PACRG: variants seen among roughly 807,000 people sequenced by gnomAD.
PACRG encodes parkin coregulated, also known as parkin coregulated gene protein.
Under a neutral mutation model 29.7 loss-of-function variants are expected in PACRG, and 29 were observed. That is an observed-to-expected ratio of 0.98 (90% CI 0.73 to 1.33). The LOEUF (loss-of-function observed/expected upper bound fraction) is 1.33, where lower values mean the gene tolerates loss of function less well. Among genes scored for constraint, PACRG ranks in the 40% most tolerant of loss-of-function variants. The pLI is 0.00. For synonymous variants in PACRG, 116 were observed against 118.7 expected, an observed-to-expected ratio of 0.98 and a Z score of 0.15; for missense variants, 279 against 316.2, an observed-to-expected ratio of 0.88 and a Z score of 0.89.
At chr6:162,995,868 T>G (rs1334837585) in intron 2 of PACRG, among the ~76,000 whole-genome samples, 2 of 152,230 alleles carry the variant, frequency 1.3e-5, no homozygotes, top group Admixed American at 6.5e-5. Flanking sequence ...TTCCATATCT[T>G]GGCTATTGTG....
rs566112776 is a variant in PACRG, at chr6:163,270,884, A to G, written c.614-43943A>G. On this transcript the variant is annotated intron_variant, in intron 4 of 4. Transcript: ENST00000366888. ...TAGCAAACTTCTGAATTGGTTGTAT[A>G]TTAATCAGGGTTCTCTAGAGGGACA... Among the ~76,000 whole-genome samples, 8 of 152,294 alleles carry G rather than the reference A, an allele frequency of 5.3e-5. No homozygotes were observed. In the South Asian group the frequency reaches 1.5e-3, roughly 28 times the overall value.
At chr6:162,794,811 A>C (rs567958165) in intron 1 of PACRG, among the ~76,000 whole-genome samples, 2 of 152,340 alleles carry the variant, frequency 1.3e-5, no homozygotes, top group South Asian at 4.1e-4. Flanking sequence ...AAGGAACAAA[A>C]CAAACAATGA....
chr6:163,136,460 A>G (rs1412706151), intron 4 of PACRG, among the ~76,000 whole-genome samples: 1 of 152,248 alleles, frequency 6.6e-6, no homozygotes, highest in African/African-American at 2.4e-5. Context: ...AGATTAGTTT[A>G]TGGGAAATTT....
chr6:163,276,411 G>A (rs1329304797), intron 4 of PACRG, among the ~76,000 whole-genome samples: 2 of 152,124 alleles, frequency 1.3e-5, no homozygotes, highest in Non-Finnish European at 2.9e-5. Context: ...GTTTCCACTA[G>A]GTTCGAAGTG....
chr6:163,275,153 C>G (rs1049458532), intron 4 of PACRG, among the ~76,000 whole-genome samples: 1 of 152,162 alleles, frequency 6.6e-6, no homozygotes, highest in Admixed American at 6.5e-5. Context: ...GTATTACAGG[C>G]ATGAGCCACC....
At chr6:163,176,018 G>T (rs1156941427) in intron 4 of PACRG, among the ~76,000 whole-genome samples, 1 of 151,996 alleles carries the variant, frequency 6.6e-6, no homozygotes, top group African/African-American at 2.4e-5. Context: ...CAGAGATTTG[G>T]GCTTCTAGTC....
intron 4 of PACRG, among the ~76,000 whole-genome samples, chr6:163,227,557 G>A (rs1163435174): frequency 2.0e-5 from 3 of 152,192 alleles, no homozygotes; most frequent in African/African-American, 7.2e-5. Flanking sequence ...ATTCCCATGG[G>A]TGTGCCGTCC....
intron 1 of PACRG, among the ~76,000 whole-genome samples, chr6:162,786,616 A>G (rs542631155): frequency 5.9e-5 from 9 of 152,332 alleles, no homozygotes; most frequent in African/African-American, 2.2e-4. Flanking sequence ...ATGCCCAAGT[A>G]GAAGGCAGAA....
chr6:162,934,576 G>A (rs1462687277), intron 2 of PACRG, among the ~76,000 whole-genome samples: 1 of 152,066 alleles, frequency 6.6e-6, no homozygotes, highest in Non-Finnish European at 1.5e-5. Flanking sequence ...TTTAGGTGGG[G>A]AATTTAAACC....
rs182965921 is a variant in PACRG at position 162,755,440 on chromosome 6, T to G, written c.156+27049T>G. Among the ~76,000 whole-genome samples, 636 of 152,176 alleles carry G rather than the reference T, an allele frequency of 4.2e-3. 1 individual carries two copies. Among genetic ancestry groups the G allele is most frequent in the African/African-American group, 0.015 (605 of 41,504 alleles). ...CTCCTCCTTCTTCTTCCTTTTCCTC[T>G]TCTTCTATTTTTTGAGACAGAGTCT... On this transcript the variant is annotated intron_variant, in intron 1 of 4. Coordinates refer to ENST00000366888, the MANE Select transcript of PACRG (RefSeq NM_001080379.2).
intron 2 of PACRG, among the ~76,000 whole-genome samples, chr6:162,874,320 T>A (rs889753524): frequency 6.6e-6 from 1 of 152,108 alleles, no homozygotes; most frequent in African/African-American, 2.4e-5. Context: ...AGCTGCCGAT[T>A]TGCCTACCAG....
intron 2 of PACRG, among the ~76,000 whole-genome samples, chr6:162,968,101 G>T (rs1386590715): frequency 1.3e-5 from 2 of 152,084 alleles, no homozygotes; most frequent in Non-Finnish European, 1.5e-5. Context: ...ATTCCAGACT[G>T]CCATAATTAA....
At chr6:162,986,643 TG>T (rs1401702685) in intron 2 of PACRG, among the ~76,000 whole-genome samples, 4 of 152,154 alleles carry the variant, frequency 2.6e-5, no homozygotes, top group African/African-American at 9.7e-5. Context: ...TTCTAGATAT[TG>T]GGTTAAGCAA....
At chr6:163,238,656 A>T (rs1782340877) in intron 4 of PACRG, among the ~76,000 whole-genome samples, 1 of 152,228 alleles carries the variant, frequency 6.6e-6, no homozygotes, top group South Asian at 2.1e-4. Context: ...CAGACAAAGA[A>T]GGAACACGTT....
chr6:162,892,902 CA>C (rs1794871897), intron 2 of PACRG, among the ~76,000 whole-genome samples: 2 of 138,834 alleles, frequency 1.4e-5, no homozygotes, highest in Non-Finnish European at 3.0e-5. Flanking sequence ...GCCCACACCC[CA>C]GAGAACCACC....
chr6:162,827,738 A>T (rs1206456152), intron 2 of PACRG, among the ~76,000 whole-genome samples: 1 of 152,136 alleles, frequency 6.6e-6, no homozygotes, highest in Non-Finnish European at 1.5e-5. Context: ...TTTGTCTCTG[A>T]ACCTGTACCA....
intron 2 of PACRG, among the ~76,000 whole-genome samples, chr6:162,892,280 C>T (rs966792659): frequency 1.1e-4 from 17 of 152,176 alleles, no homozygotes; most frequent in African/African-American, 4.1e-4. Context: ...CATTGTTGAG[C>T]ACTGGATCAG....
At chr6:163,016,341 A>G (rs996933742) in intron 2 of PACRG, 2 of 152,184 alleles carry the variant, frequency 1.3e-5, no homozygotes, top group African/African-American at 4.8e-5. Flanking sequence ...ATCTGATGGG[A>G]AAGATCTACT....
At chr6:162,747,493 T>TATATATATATATATA (rs71008109) in intron 1 of PACRG, among the ~76,000 whole-genome samples, 24 of 127,532 alleles carry the variant, frequency 1.9e-4, no homozygotes, top group African/African-American at 3.3e-4. Context: ...TATATATATA[T>TATATATATATATATA]TCCATTAGTT....
Sources: gnomAD v4.1 joint callset for allele counts (sites outside exome capture counted in the v4.1 genomes callset) on GRCh38, gnomAD v4.1.1 for gene constraint, MANE v1.5 for transcripts, NCBI Gene and HGNC (gene_info 2026-07-23, HGNC 2026-07-21) for gene names.